Variants in HERC4 observed in about 807,000 individuals in gnomAD.
HERC4 encodes the protein probable E3 ubiquitin-protein ligase HERC4.
HERC4 carries 28 observed loss-of-function variants against 124.3 expected under a neutral mutation model. The observed-to-expected ratio is 0.23, with a 90% CI of 0.17 to 0.31. HERC4 has a LOEUF of 0.31. Ranked by LOEUF, HERC4 falls within the 10% of genes least tolerant of loss-of-function variation. The pLI is 1.00. For synonymous variants in HERC4, 407 were observed against 421.5 expected, an observed-to-expected ratio of 0.97 and a Z score of 0.42; for missense variants, 713 against 1,229.3, an observed-to-expected ratio of 0.58 and a Z score of 6.28.
intron 3 of HERC4, among the ~76,000 whole-genome samples, chr10:68,056,349 G>A (rs2040548612): frequency 6.6e-6 from 1 of 152,110 alleles, no homozygotes; most frequent in African/African-American, 2.4e-5. Flanking sequence ...TTGATCATGT[G>A]TTCATTCAAC....
Position 68,057,230 on chromosome 10 carries a change from G to A in HERC4, c.227-12667C>T, listed in dbSNP as rs150217701. Among the ~76,000 whole-genome samples, 1,140 of 152,146 alleles carry A rather than the reference G, an allele frequency of 7.5e-3. 7 individuals carry two copies. Among genetic ancestry groups the A allele is most frequent in the Non-Finnish European group, 0.012 (830 of 68,004 alleles). On this transcript the variant is annotated intron_variant, in intron 3 of 24. Transcript: ENST00000373700. Reference sequence around the variant, plus strand: ...ACTAAGCCAAAATATTATTCAGATTGGTGTGAAAATAACAGCAAATGCAAA... The same window carrying A: ...ACTAAGCCAAAATATTATTCAGATTAGTGTGAAAATAACAGCAAATGCAAA...
chr10:68,039,357 G>A (rs2039647181), intron 4 of HERC4: 2 of 1,494,158 alleles, frequency 1.3e-6, no homozygotes, highest in Non-Finnish European at 1.8e-6. Context: ...AGAAAAAACG[G>A]GGGATGGGGA....
chr10:67,954,955 C>A lies in HERC4; in HGVS notation c.2193+8G>T. 1.9e-6 allele frequency: 3 copies of A among 1,583,724 alleles called. No homozygotes were observed. In the South Asian group the frequency reaches 3.5e-5, roughly 18 times the overall value. On this transcript the variant is annotated splice_region_variant and intron_variant, in intron 18 of 24. Coordinates refer to ENST00000373700, the MANE Select transcript of HERC4 (RefSeq NM_015601.4). ...GTCCCAATTATACCACAGAAAATGT[C>A]AAATTACCTTGAGTGGCTTCTTGTA...
intron 3 of HERC4, 145 bp from the exon 4 acceptor site, chr10:68,044,708 T>A: frequency 5.8e-6 from 4 of 688,796 alleles, no homozygotes; most frequent in South Asian, 5.7e-5. Context: ...AAACACACAC[T>A]AGATATAACC....
intron 9 of HERC4, chr10:68,010,842 C>G (rs1170674277): frequency 6.5e-7 from 1 of 1,532,232 alleles, no homozygotes; most frequent in Non-Finnish European, 9.0e-7. Context: ...GCAAATTGCT[C>G]AAGTTCTTTC....
intron 9 of HERC4, among the ~76,000 whole-genome samples, chr10:68,009,861 C>T (rs1203747043): frequency 6.6e-6 from 1 of 152,142 alleles, no homozygotes; most frequent in African/African-American, 2.4e-5. Context: ...GCATCTTCAC[C>T]AGCAGTAGGT....
intron 13 of HERC4, 55 bp from the exon 14 acceptor site, chr10:67,990,455 A>AC: frequency 2.4e-5 from 24 of 1,012,976 alleles, no homozygotes; most frequent in South Asian, 2.8e-5. Flanking sequence ...ACACTTTCAA[A>AC]GAAAAAAAAA....
intron 1 of HERC4, 85 bp downstream of exon 1, chr10:68,075,059 A>C (rs2041746855): frequency 6.5e-6 from 1 of 152,862 alleles, no homozygotes; most frequent in East Asian, 1.9e-4. Flanking sequence ...CTCCTCTGTC[A>C]GCCAGTGGCG....
At chr10:67,979,936 CA>C (rs144869077) in intron 15 of HERC4, among the ~76,000 whole-genome samples, 19 of 124,578 alleles carry the variant, frequency 1.5e-4, no homozygotes, top group Non-Finnish European at 1.6e-4. Flanking sequence ...GACTCCATCT[CA>C]AAAAAAAAAG....
chr10:68,059,780 TA>T (rs1195929730), intron 3 of HERC4, among the ~76,000 whole-genome samples: 3 of 75,654 alleles, frequency 4.0e-5, no homozygotes, highest in Non-Finnish European at 4.3e-5. Flanking sequence ...TTATATATTA[TA>T]ATATTATATA....
At chr10:68,069,708 G>C in intron 3 of HERC4, 1 of 985,414 alleles carries the variant, frequency 1.0e-6, no homozygotes, top group African/African-American at 1.7e-5. Flanking sequence ...ACAATTCTTA[G>C]TTCCCTCCAT....
intron 9 of HERC4, among the ~76,000 whole-genome samples, chr10:68,001,766 T>C (rs2037247139): frequency 6.6e-6 from 1 of 152,150 alleles, no homozygotes; most frequent in African/African-American, 2.4e-5. Context: ...TCTGTCTCTA[T>C]GAATTTGGTT....
At chr10:67,969,598 C>T (rs2035106010) in intron 15 of HERC4, among the ~76,000 whole-genome samples, 1 of 152,170 alleles carries the variant, frequency 6.6e-6, no homozygotes, top group South Asian at 2.1e-4. Flanking sequence ...GAGCAAAAGC[C>T]TTCAGCCACT....
chr10:68,005,652 CT>C (rs1259379694), intron 9 of HERC4, among the ~76,000 whole-genome samples: 1 of 151,262 alleles, frequency 6.6e-6, no homozygotes, highest in Non-Finnish European at 1.5e-5. Context: ...GTGACTTTCT[CT>C]GGTGGTATGT....
At position 67,991,187 on chromosome 10, in the gene HERC4, T is replaced by C. The variant is rs1266085203; in HGVS notation, c.1284A>G (p.Gly428=). 2.0e-6 allele frequency: 3 copies of C among 1,535,468 alleles called. No individual in the cohort carries two copies. The highest frequency in any genetic ancestry group is 1.8e-6 in the Non-Finnish European group (2 of 1,140,436). ...TTAGGCAACCAGAGGAAGAAAACGT[T>C]CCATCTATCTCACTAAAAAATTTAA... ...FPVEIANEID[G]TFSSSGCLNG... The change falls in exon 12 of 25, where the codon GGA becomes GGG. Residue 428 remains glycine, a synonymous_variant. Transcript: ENST00000373700.
At chr10:68,007,697 T>C (rs1184645341) in intron 9 of HERC4, 1 of 150,610 alleles carries the variant, frequency 6.6e-6, no homozygotes, top group African/African-American at 2.4e-5. Context: ...CCAAGCCCAG[T>C]AACACTTTTT....
intron 16 of HERC4, 139 bp from the exon 17 acceptor site, chr10:67,957,115 CT>C: frequency 2.0e-6 from 1 of 507,720 alleles, no homozygotes; most frequent in Non-Finnish European, 3.4e-6. Flanking sequence ...AAACATGCTG[CT>C]TACAGAATTA....
At chr10:67,958,011 G>A (rs1389618595) in intron 16 of HERC4, among the ~76,000 whole-genome samples, 2 of 152,064 alleles carry the variant, frequency 1.3e-5, no homozygotes. Flanking sequence ...GTTTCACTAG[G>A]TTGGCCAGGC....
chr10:67,991,850 G>T (rs1262813171), intron 11 of HERC4, among the ~76,000 whole-genome samples: 4 of 152,118 alleles, frequency 2.6e-5, no homozygotes, highest in Non-Finnish European at 5.9e-5. Flanking sequence ...CTATGCACAT[G>T]AAAGAACTAC....
Sources: allele counts gnomAD v4.1 joint callset (sites outside exome capture counted in the v4.1 genomes callset), GRCh38; gene constraint gnomAD v4.1.1; transcripts MANE v1.5; gene names NCBI Gene and HGNC (gene_info 2026-07-23, HGNC 2026-07-21).